The following GPR32 variants were observed in gnomAD, a reference collection of about 807,000 sequenced individuals.
GPR32 encodes G protein-coupled receptor 32, also known as probable G protein-coupled receptor 32.
For synonymous variants in GPR32, 215 were observed against 195.3 expected (o/e 1.10, Z -0.84); for missense variants, 433 against 454.1 (o/e 0.95, Z 0.42).
At position 50,770,615 on chromosome 19, in the gene GPR32, G is replaced by A. The variant is rs756485883; in HGVS notation, c.15G>A (p.Ser5=). MNGV[S]EGTRGCSDRQ... is the part of the protein sequence containing the mutation. The stretch of plus-strand genomic sequence containing the variant: ...ATGGAGAAATCATGAATGGGGTCTC[G>A]GAGGGGACCAGAGGCTGCAGTGACA... Residue 5 remains serine, a synonymous_variant, in exon 1 of 1, where the codon TCG becomes TCA. Coordinates refer to ENST00000270590, the MANE Select transcript of GPR32 (RefSeq NM_001506.2). 5.7e-6 allele frequency: 9 copies of A among 1,585,842 alleles called. No individual in the cohort carries two copies. The highest frequency in any genetic ancestry group is 3.6e-5 in the Admixed American group (2 of 55,426).
rs1285048128 is a variant in GPR32 at position 50,771,222 on chromosome 19, G to C, written c.622G>C (p.Gly208Arg). ...TGAGACTGCCCAGATTTGGATTGAA[G>C]GGGTCGTGGAGGGACACATTATAGG... ...DNETAQIWIE[G>R]VVEGHIIGTI... The change falls in exon 1 of 1, where the codon GGG becomes CGG. Residue 208 changes from glycine to arginine, a missense_variant. Coordinates refer to ENST00000270590, the MANE Select transcript of GPR32 (RefSeq NM_001506.2). 2 of 1,614,074 alleles carry C rather than the reference G, an allele frequency of 1.2e-6. No individual in the cohort carries two copies. The highest frequency in any genetic ancestry group is 2.7e-5 in the African/African-American group (2 of 74,924).
rs771464020 is a variant in GPR32 at position 50,770,930 on chromosome 19, A to G, written c.330A>G (p.Gly110=). The G allele has an allele frequency of 8.1e-6, 13 of 1,613,982 alleles. No homozygotes were observed. The African/African-American group carries it at 1.7e-4, about 22-fold the overall frequency. The change falls in exon 1 of 1, where the codon GGA becomes GGG. Residue 110 remains glycine (G), a synonymous_variant. Coordinates refer to ENST00000270590, the MANE Select transcript of GPR32 (RefSeq NM_001506.2). ...YYIVSRQWLL[G]EWACKLYITF... is the part of the protein sequence containing the mutation. Reference sequence around the variant, plus strand: ...TTGTCTCCAGGCAGTGGCTCCTCGGAGAGTGGGCCTGCAAACTCTACATCA... The same window carrying G: ...TTGTCTCCAGGCAGTGGCTCCTCGGGGAGTGGGCCTGCAAACTCTACATCA...
In GPR32 at chr19:50,771,229, T is replaced by C. The variant is rs781712057; in HGVS notation, c.629T>C (p.Val210Ala). 1.9e-6 allele frequency: 3 copies of C among 1,614,158 alleles called. No individual in the cohort carries two copies. The highest frequency in any genetic ancestry group is 1.3e-5 in the African/African-American group (1 of 75,036). ...ETAQIWIEGV[V>A]EGHIIGTIGH... ...GCCCAGATTTGGATTGAAGGGGTCG[T>C]GGAGGGACACATTATAGGGACCATT... is the stretch of plus-strand genomic sequence containing the variant. Residue 210 changes from valine (V) to alanine (A), a missense_variant, in exon 1 of 1, where the codon GTG becomes GCG. By Grantham distance (64) the Val-to-Ala change is moderately conservative (BLOSUM62 0). Transcript: ENST00000270590.
In GPR32 at chr19:50,771,326, G is replaced by A. The variant is rs1024051165; in HGVS notation, c.726G>A (p.Lys242=). The A allele has an allele frequency of 6.2e-7, 1 of 1,614,186 alleles. No individual in the cohort carries two copies. Among genetic ancestry groups the A allele is most frequent in the Admixed American group, 1.7e-5 (1 of 60,012 alleles). Residue 242 remains lysine, a synonymous_variant, in exon 1 of 1, where the codon AAG becomes AAA. Coordinates refer to ENST00000270590, the MANE Select transcript of GPR32 (RefSeq NM_001506.2). ...CCTGCGCCCACCTCATCCGGGCCAA[G>A]CTCTTGCGGGAGGGCTGGGTCCATG... ...IGTCAHLIRA[K]LLREGWVHAN...
chr19:50,770,750 G>A lies in GPR32; in HGVS notation c.150G>A (p.Leu50=), dbSNP rs1262656298. ...TCCGCCCACTGACTGTGGTTATCCTGTCTGCGTCCATTGTCGTCGGAGTGC... is the reference window on the plus strand; with the variant it reads ...TCCGCCCACTGACTGTGGTTATCCTATCTGCGTCCATTGTCGTCGGAGTGC... The part of the protein sequence containing the change: ...GSLRPLTVVI[L]SASIVVGVLG... The change falls in exon 1 of 1, where the codon CTG becomes CTA. Residue 50 remains leucine, a synonymous_variant. Transcript: ENST00000270590. 1.2e-6 allele frequency: 2 copies of A among 1,614,106 alleles called. No individual in the cohort carries two copies. Among genetic ancestry groups the A allele is most frequent in the South Asian group, 1.1e-5 (1 of 91,072 alleles).
In GPR32 at chr19:50,770,554, G is replaced by T. The variant is rs2089393057; in HGVS notation, c.-47G>T. The T allele has an allele frequency of 1.6e-6, 2 of 1,283,618 alleles. No homozygotes were observed. Among genetic ancestry groups the T allele is most frequent in the South Asian group, 2.9e-5 (2 of 68,176 alleles). 79.5% of individuals were successfully genotyped at this position (1,283,618 alleles called of 1,614,324 possible). ...ACAGAGCATGACGCTGTCTCTAAAA[G>T]AATAATAATAATAAGCATTCCATAA... On this transcript the variant is annotated 5_prime_UTR_variant, in exon 1 of 1. The change creates a premature stop within an existing upstream ORF in the 5' untranslated region. Transcript: ENST00000270590.
chr19:50,770,889 A>G lies in GPR32; in HGVS notation c.289A>G (p.Ile97Val). ...TTTCATGCTCTCACTGTCTCTGCCCATTGCCATGTACTATATTGTCTCCAG... is the reference window on the plus strand; with the variant it reads ...TTTCATGCTCTCACTGTCTCTGCCCGTTGCCATGTACTATATTGTCTCCAG... Reference protein sequence around the residue: ...ADFMLSLSLPIAMYYIVSRQW... With the variant: ...ADFMLSLSLPVAMYYIVSRQW... Residue 97 changes from isoleucine to valine, a missense_variant, in exon 1 of 1, where the codon ATT becomes GTT. Physicochemically the swap from Ile to Val is conservative, Grantham distance 29. Transcript: ENST00000270590. The G allele has an allele frequency of 6.2e-7, 1 of 1,614,106 alleles. No homozygotes were observed. Among genetic ancestry groups the G allele is most frequent in the Non-Finnish European group, 8.5e-7 (1 of 1,180,022 alleles).
Position 50,770,909 on chromosome 19 carries a change from C to T in GPR32, c.309C>T (p.Val103=). Reference sequence around the variant, plus strand: ...TGCCCATTGCCATGTACTATATTGTCTCCAGGCAGTGGCTCCTCGGAGAGT... The same window carrying T: ...TGCCCATTGCCATGTACTATATTGTTTCCAGGCAGTGGCTCCTCGGAGAGT... ...LSLPIAMYYI[V]SRQWLLGEWA... The change falls in exon 1 of 1, where the codon GTC becomes GTT. Residue 103 remains valine, a synonymous_variant. Transcript: ENST00000270590. 6.2e-7 allele frequency: 1 copy of T among 1,614,198 alleles called. No homozygotes were observed. The highest frequency in any genetic ancestry group is 8.5e-7 in the Non-Finnish European group (1 of 1,180,040).
rs2089397196 is a variant in GPR32, at chr19:50,771,030, C to T, written c.430C>T (p.Leu144Phe). 2 of 1,614,064 alleles carry T rather than the reference C, an allele frequency of 1.2e-6. No homozygotes were observed. Among genetic ancestry groups the T allele is most frequent in the Admixed American group, 1.7e-5 (1 of 59,992 alleles). ...FISVDRCISV[L>F]YPVWALNHRT... ...CTCTGTGGACCGTTGCATCTCTGTCCTCTACCCCGTCTGGGCCCTGAACCA... is the reference window on the plus strand; with the variant it reads ...CTCTGTGGACCGTTGCATCTCTGTCTTCTACCCCGTCTGGGCCCTGAACCA... The change falls in exon 1 of 1, where the codon CTC becomes TTC. Residue 144 changes from leucine (L) to phenylalanine (F), a missense_variant. Leu to Phe is a conservative substitution (Grantham distance 22). Transcript: ENST00000270590.
rs980378202 is a variant in GPR32 at position 50,771,087 on chromosome 19, T to C, written c.487T>C (p.Phe163Leu). Residue 163 changes from phenylalanine to leucine, a missense_variant, in exon 1 of 1, where the codon TTT (phenylalanine) becomes CTT (leucine). Coordinates refer to ENST00000270590, the MANE Select transcript of GPR32 (RefSeq NM_001506.2). The stretch of plus-strand genomic sequence containing the variant: ...TGTGCAGCGGGCGAGCTGGCTGGCC[T>C]TTGGGGTGTGGCTCCTGGCCGCCGC... Reference protein sequence around the residue: ...RTVQRASWLAFGVWLLAAALC... With the variant: ...RTVQRASWLALGVWLLAAALC... The C allele has an allele frequency of 3.1e-6, 5 of 1,614,192 alleles. No individual in the cohort carries two copies. Among genetic ancestry groups the C allele is most frequent in the Non-Finnish European group, 4.2e-6 (5 of 1,180,034 alleles).
At position 50,770,720 on chromosome 19, in the gene GPR32, G is replaced by T; in HGVS notation, c.120G>T (p.Gly40=). ...CCGGATGCCTGTCTGAGGAGGTGGGGTCCCTCCGCCCACTGACTGTGGTTA... is the reference window on the plus strand; with the variant it reads ...CCGGATGCCTGTCTGAGGAGGTGGGTTCCCTCCGCCCACTGACTGTGGTTA... The part of the protein sequence containing the change: ...NSSGCLSEEV[G]SLRPLTVVIL... The change falls in exon 1 of 1, where the codon GGG becomes GGT. Residue 40 remains glycine, a synonymous_variant. Transcript: ENST00000270590. 1.9e-6 allele frequency: 3 copies of T among 1,614,052 alleles called. No homozygotes were observed. Among genetic ancestry groups the T allele is most frequent in the Non-Finnish European group, 2.5e-6 (3 of 1,179,994 alleles).
the GPR32 span, chr19:50,770,872 TCTCA>T: frequency 9.9e-6 from 16 of 1,614,228 alleles, no homozygotes; most frequent in Non-Finnish European, 1.4e-5. Flanking sequence ...GATTTCATGC[TCTCA>T]CTGTCTCTGC....
Position 50,771,157 on chromosome 19 carries a change from A to G in GPR32, c.557A>G (p.Asn186Ser), listed in dbSNP as rs566755652. The G allele has an allele frequency of 6.2e-7, 1 of 1,614,206 alleles. No homozygotes were observed. Among genetic ancestry groups the G allele is most frequent in the South Asian group, 1.1e-5 (1 of 91,080 alleles). ...HLKFRTTRKWNGCTHCYLAFN... is the reference protein window; with the variant it reads ...HLKFRTTRKWSGCTHCYLAFN... ...AAATTCCGGACAACCAGAAAATGGA[A>G]TGGCTGTACGCACTGCTACTTGGCG... Residue 186 changes from asparagine (N) to serine (S), a missense_variant, in exon 1 of 1, where the codon AAT (asparagine) becomes AGT (serine). By Grantham distance (46) the Asn-to-Ser change is conservative. Coordinates refer to ENST00000270590, the MANE Select transcript of GPR32 (RefSeq NM_001506.2).
Position 50,771,524 on chromosome 19 carries a change from C to T in GPR32, c.924C>T (p.Asn308=). The change falls in exon 1 of 1, where the codon AAC becomes AAT. Residue 308 remains asparagine, a synonymous_variant. Transcript: ENST00000270590. The stretch of plus-strand genomic sequence containing the variant: ...CTAGCTTTGCCTTGGGCTGTGTCAA[C>T]AGCAGCCTCAACCCCTTCCTCTACG... ...LQASFALGCV[N]SSLNPFLYVF... 1 of 1,614,212 alleles carries T rather than the reference C, an allele frequency of 6.2e-7. No individual in the cohort carries two copies. The highest frequency in any genetic ancestry group is 8.5e-7 in the Non-Finnish European group (1 of 1,180,006).
At position 50,770,794 on chromosome 19, in the gene GPR32, T is replaced by G. The variant is rs149687485; in HGVS notation, c.194T>G (p.Leu65Arg). Reference sequence around the variant, plus strand: ...GGAGTGCTGGGCAATGGGCTGGTGCTGTGGATGACTGTCTTCCGTATGGCA... The same window carrying G: ...GGAGTGCTGGGCAATGGGCTGGTGCGGTGGATGACTGTCTTCCGTATGGCA... ...VVGVLGNGLV[L>R]WMTVFRMART... Residue 65 changes from leucine (L) to arginine (R), a missense_variant, in exon 1 of 1, where the codon CTG becomes CGG. Coordinates refer to ENST00000270590, the MANE Select transcript of GPR32 (RefSeq NM_001506.2). 1 of 1,614,100 alleles carries G rather than the reference T, an allele frequency of 6.2e-7. No homozygotes were observed. The highest frequency in any genetic ancestry group is 1.7e-5 in the Admixed American group (1 of 60,006).
Position 50,771,410 on chromosome 19 carries a change from C to G in GPR32, c.810C>G (p.Ser270=), listed in dbSNP as rs1443263993. 1 of 1,614,120 alleles carries G rather than the reference C, an allele frequency of 6.2e-7. No individual in the cohort carries two copies. The highest frequency in any genetic ancestry group is 1.1e-5 in the South Asian group (1 of 91,074). ...VLVSAFFIFW[S]PFNVVLLVHL... ...TGAGCGCTTTCTTTATCTTCTGGTC[C>G]CCGTTTAACGTGGTGCTGTTGGTCC... The change falls in exon 1 of 1, where the codon TCC becomes TCG. Residue 270 remains serine (S), a synonymous_variant. Coordinates refer to ENST00000270590, the MANE Select transcript of GPR32 (RefSeq NM_001506.2).
chr19:50,770,825 G>A lies in GPR32; in HGVS notation c.225G>A (p.Thr75=), dbSNP rs141246887. ...TGACTGTCTTCCGTATGGCACGCACGGTCTCCACCGTCTGCTTCTTCCACC... is the reference window on the plus strand; with the variant it reads ...TGACTGTCTTCCGTATGGCACGCACAGTCTCCACCGTCTGCTTCTTCCACC... ...LWMTVFRMAR[T]VSTVCFFHLA... is the part of the protein sequence containing the mutation. Residue 75 remains threonine (T), a synonymous_variant, in exon 1 of 1, where the codon ACG becomes ACA. Transcript: ENST00000270590. 1.4e-4 allele frequency: 220 copies of A among 1,614,120 alleles called. No homozygotes were observed. Among genetic ancestry groups the A allele is most frequent in the African/African-American group, 3.2e-4 (24 of 75,024 alleles).
In GPR32 at chr19:50,770,749, T is replaced by C; in HGVS notation, c.149T>C (p.Leu50Pro). 6.2e-7 allele frequency: 1 copy of C among 1,614,122 alleles called. No individual in the cohort carries two copies. Among genetic ancestry groups the C allele is most frequent in the South Asian group, 1.1e-5 (1 of 91,072 alleles). Residue 50 changes from leucine to proline, a missense_variant, in exon 1 of 1, where the codon CTG (leucine) becomes CCG (proline). Coordinates refer to ENST00000270590, the MANE Select transcript of GPR32 (RefSeq NM_001506.2). ...CTCCGCCCACTGACTGTGGTTATCCTGTCTGCGTCCATTGTCGTCGGAGTG... is the reference window on the plus strand; with the variant it reads ...CTCCGCCCACTGACTGTGGTTATCCCGTCTGCGTCCATTGTCGTCGGAGTG... ...GSLRPLTVVI[L>P]SASIVVGVLG...
At position 50,771,016 on chromosome 19, in the gene GPR32, G is replaced by A. The variant is rs1435563151; in HGVS notation, c.416G>A (p.Arg139His). ...NCLLVFISVD[R>H]CISVLYPVWA... ...CTCCTTGTCTTCATCTCTGTGGACC[G>A]TTGCATCTCTGTCCTCTACCCCGTC... Residue 139 changes from arginine (R) to histidine (H), a missense_variant, in exon 1 of 1, where the codon CGT becomes CAT. Transcript: ENST00000270590. The A allele has an allele frequency of 2.0e-5, 33 of 1,614,008 alleles. No homozygotes were observed. The highest frequency in any genetic ancestry group is 2.7e-5 in the Non-Finnish European group (32 of 1,180,028).
Sources: gnomAD v4.1 joint callset for allele counts on GRCh38, gnomAD v4.1.1 for gene constraint, MANE v1.5 for transcripts, NCBI Gene and HGNC (gene_info 2026-07-23, HGNC 2026-07-21) for gene names.